The following ERP27 variants were observed in gnomAD, a reference collection of about 807,000 sequenced individuals.
The protein encoded by ERP27 is endoplasmic reticulum resident protein 27.
ERP27 carries 23 observed loss-of-function variants against 27.7 expected under a neutral mutation model. The observed-to-expected ratio is 0.83, with a 90% CI of 0.60 to 1.18. ERP27 has a LOEUF of 1.18. Among genes scored for constraint, ERP27 ranks in the 50% most tolerant of loss-of-function variants. The probability of loss-of-function intolerance (pLI) is 0.00; values close to 1 mark genes in which losing one functional copy is unlikely to be tolerated. For missense variants in ERP27, 363 were observed against 327.9 expected, an observed-to-expected ratio of 1.11 and a Z score of -0.83; for synonymous variants, 159 against 118.3, an observed-to-expected ratio of 1.34 and a Z score of -2.23.
chr12:14,920,898 T>C, intron 4 of ERP27, 34 bp downstream of exon 4: 1 of 1,554,182 alleles, frequency 6.4e-7, no homozygotes, highest in Non-Finnish European at 8.9e-7. Flanking sequence ...CGACTCAGGG[T>C]CTGAAGGGAC....
At chr12:14,934,551 T>A (rs1863746608) in intron 3 of ERP27, among the ~76,000 whole-genome samples, 1 of 152,220 alleles carries the variant, frequency 6.6e-6, no homozygotes, top group Non-Finnish European at 1.5e-5. Flanking sequence ...TCTAACTCTT[T>A]TATTTTATAA....
intron 3 of ERP27, among the ~76,000 whole-genome samples, chr12:14,930,225 T>C (rs1863678313): frequency 6.6e-6 from 1 of 152,196 alleles, no homozygotes; most frequent in Non-Finnish European, 1.5e-5. Flanking sequence ...TTTTATAATC[T>C]GACATATCTT....
chr12:14,929,061 C>T, intron 3 of ERP27: 1 of 1,531,458 alleles, frequency 6.5e-7, no homozygotes, highest in South Asian at 1.2e-5. Flanking sequence ...TGTCTAAATG[C>T]TTCCTGACTA....
chr12:14,915,142 G>GT (rs1414588773), intron 6 of ERP27, among the ~76,000 whole-genome samples: 2 of 151,982 alleles, frequency 1.3e-5, no homozygotes, highest in Non-Finnish European at 2.9e-5. Flanking sequence ...TAATAGTTAC[G>GT]TTTTTATGGG....
At position 14,935,207 on chromosome 12, in the gene ERP27, G is replaced by A. The variant is rs577608504; in HGVS notation, c.196-214C>T. ...TAAGTTAATAGGTAACCACGAAATT[G>A]TAGCTGAGCCTGAGACTCCTGTCAG... On this transcript the variant is annotated intron_variant, in intron 2 of 6. Coordinates refer to ENST00000266397, the MANE Select transcript of ERP27 (RefSeq NM_152321.4). The A allele has an allele frequency of 1.4e-5, 13 of 956,900 alleles. No homozygotes were observed. The South Asian group carries it at 5.8e-4, about 43-fold the overall frequency. 59.3% of individuals were successfully genotyped at this position (956,900 alleles called of 1,614,324 possible). A position where few individuals can be genotyped will look rare whatever the true frequency, so the allele number is the denominator to read the frequency against.
In ERP27 at chr12:14,935,263, G is replaced by A. The variant is rs58765619; in HGVS notation, c.196-270C>T. 2.0e-3 allele frequency: 1,022 copies of A among 507,476 alleles called. 8 individuals carry two copies. Among genetic ancestry groups the A allele is most frequent in the African/African-American group, 0.02 (947 of 47,916 alleles). The allele number at this position is 507,476 out of a possible 1,614,324, so 31.4% of individuals were successfully genotyped here. A position where few individuals can be genotyped will look rare whatever the true frequency, so the allele number is the denominator to read the frequency against. ...GTCATAGAGCTTGAAGTTTACTAGG[G>A]GCTGAGAGAGGCCTCAAAATCATAA... On this transcript the variant is annotated intron_variant, in intron 2 of 6. Transcript: ENST00000266397.
At chr12:14,916,862 G>T (rs909967386) in intron 5 of ERP27, among the ~76,000 whole-genome samples, 5 of 152,150 alleles carry the variant, frequency 3.3e-5, no homozygotes, top group African/African-American at 1.2e-4. Flanking sequence ...GAAATTATGG[G>T]AAGGATTAAA....
At chr12:14,928,720 TATTTA>T in intron 3 of ERP27, among the ~76,000 whole-genome samples, 1 of 152,364 alleles carries the variant, frequency 6.6e-6, no homozygotes, top group South Asian at 2.1e-4. Context: ...TCCTTGTGTA[TATTTA>T]ATTGTTTAAA....
At chr12:14,925,413 A>T (rs1863585128) in intron 3 of ERP27, among the ~76,000 whole-genome samples, 1 of 152,180 alleles carries the variant, frequency 6.6e-6, no homozygotes, top group Non-Finnish European at 1.5e-5. Context: ...GTAGCAAAAA[A>T]TACATAGAAA....
intron 2 of ERP27, among the ~76,000 whole-genome samples, chr12:14,937,722 G>T (rs1177350303): frequency 6.6e-6 from 1 of 152,248 alleles, no homozygotes; most frequent in Non-Finnish European, 1.5e-5. Flanking sequence ...AGGAGATGCA[G>T]CCCACAGGCT....
intron 3 of ERP27, among the ~76,000 whole-genome samples, chr12:14,924,917 C>T (rs557274101): frequency 1.3e-5 from 2 of 152,340 alleles, no homozygotes; most frequent in East Asian, 1.9e-4. Context: ...GACCTCTGGT[C>T]GTCGTCCCTG....
At chr12:14,915,421 T>G in intron 6 of ERP27, 68 bp downstream of exon 6, 2 of 1,546,372 alleles carry the variant, frequency 1.3e-6, no homozygotes, top group Non-Finnish European at 1.8e-6. Context: ...CAAAGAATTC[T>G]TATTCAACTG....
Position 14,929,484 on chromosome 12 carries a change from G to A in ERP27, c.333+5372C>T, listed in dbSNP as rs190439934. Among the ~76,000 whole-genome samples, 656 of 152,262 alleles carry A rather than the reference G, an allele frequency of 4.3e-3. 3 individuals carry two copies. Among genetic ancestry groups the A allele is most frequent in the African/African-American group, 0.015 (632 of 41,548 alleles). On this transcript the variant is annotated intron_variant, in intron 3 of 6. Coordinates refer to ENST00000266397, the MANE Select transcript of ERP27 (RefSeq NM_152321.4). ...AGGGAATTATTTGCATAATGCACTG[G>A]AAAGAAAATCCAACCCAGGAACCAA...
chr12:14,934,256 C>CT (rs932420328), intron 3 of ERP27, among the ~76,000 whole-genome samples: 7 of 151,548 alleles, frequency 4.6e-5, no homozygotes, highest in African/African-American at 9.7e-5. Context: ...TTTTTCTTTT[C>CT]TTTTTTTTCA....
At chr12:14,937,907 T>C in intron 2 of ERP27, 45 bp downstream of exon 2, 6 of 1,556,122 alleles carry the variant, frequency 3.9e-6, no homozygotes, top group Non-Finnish European at 5.3e-6. Flanking sequence ...TCCCTTAAGG[T>C]AGAACATTTC....
chr12:14,919,802 A>G (rs1863472295), intron 4 of ERP27, among the ~76,000 whole-genome samples: 1 of 152,240 alleles, frequency 6.6e-6, no homozygotes, highest in Non-Finnish European at 1.5e-5. Context: ...GGAAGTTGGC[A>G]AAATGTGCTA....
At chr12:14,929,684 A>G (rs989133325) in intron 3 of ERP27, among the ~76,000 whole-genome samples, 3 of 152,204 alleles carry the variant, frequency 2.0e-5, no homozygotes, top group African/African-American at 7.2e-5. Context: ...TATCTGAAGT[A>G]GATTTTTTTT....
chr12:14,919,602 A>C (rs1207531874), intron 4 of ERP27, among the ~76,000 whole-genome samples: 2 of 152,224 alleles, frequency 1.3e-5, no homozygotes, highest in Admixed American at 6.5e-5. Flanking sequence ...ATTTTAGTCC[A>C]CAAGAAAAGG....
At chr12:14,931,284 C>T (rs1415657878) in intron 3 of ERP27, among the ~76,000 whole-genome samples, 1 of 144,790 alleles carries the variant, frequency 6.9e-6, no homozygotes, top group Non-Finnish European at 1.5e-5. Flanking sequence ...GCAAACCGAA[C>T]AAACTGGATC....
Sources: allele counts gnomAD v4.1 joint callset (sites outside exome capture counted in the v4.1 genomes callset), GRCh38; gene constraint gnomAD v4.1.1; transcripts MANE v1.5; gene names NCBI Gene and HGNC (gene_info 2026-07-23, HGNC 2026-07-21).